The following VWA3B variants were observed in gnomAD, a reference collection of about 807,000 sequenced individuals.
VWA3B encodes the protein von Willebrand factor A domain-containing protein 3B.
A neutral mutation model predicts 158.3 loss-of-function variants in VWA3B; 138 were observed. The observed-to-expected ratio is 0.87, with a 90% CI of 0.76 to 1.00. VWA3B has a LOEUF of 1.00. VWA3B is among the 50% of genes least tolerant of loss of function. The pLI is 0.00. For missense variants in VWA3B, 1,555 were observed against 1,565.1 expected, an observed-to-expected ratio of 0.99 and a Z score of 0.11; for synonymous variants, 596 against 587.3, an observed-to-expected ratio of 1.01 and a Z score of -0.21.
At chr2:98,112,843 T>G (rs1559542252) in intron 2 of VWA3B, among the ~76,000 whole-genome samples, 1 of 152,074 alleles carries the variant, frequency 6.6e-6, no homozygotes, top group African/African-American at 2.4e-5. Context: ...TGTCAATATT[T>G]TTTTTCTCTT....
intron 3 of VWA3B, among the ~76,000 whole-genome samples, chr2:98,116,407 C>T (rs554259178): frequency 1.6e-4 from 24 of 151,714 alleles, no homozygotes; most frequent in Admixed American, 5.2e-4. Context: ...AATATGTCTT[C>T]CAGTTGTTTA....
chr2:98,228,602 C>T (rs62156681), intron 15 of VWA3B, among the ~76,000 whole-genome samples: 22,112 of 152,030 alleles, frequency 0.15, 2,222 homozygotes, highest in Non-Finnish European at 0.2. Flanking sequence ...AATGAGAGGG[C>T]GGAGAGGAGC....
At chr2:98,146,369 A>C (rs958006317) in intron 7 of VWA3B, among the ~76,000 whole-genome samples, 1 of 152,176 alleles carries the variant, frequency 6.6e-6, no homozygotes, top group Non-Finnish European at 1.5e-5. Context: ...AAAGGTAGGG[A>C]AGGGGCTAAG....
At chr2:98,191,304 C>T (rs920797824) in intron 10 of VWA3B, among the ~76,000 whole-genome samples, 2 of 152,150 alleles carry the variant, frequency 1.3e-5, no homozygotes, top group Middle Eastern at 3.2e-3. Context: ...ATTCTATCAT[C>T]TGTGTCATTT....
Position 98,125,815 on chromosome 2 carries a change from C to T in VWA3B, c.703-2424C>T, listed in dbSNP as rs895778258. Among the ~76,000 whole-genome samples the T allele has an allele frequency of 2.0e-5, 3 of 152,192 alleles. No individual in the cohort carries two copies. Among genetic ancestry groups the T allele is most frequent in the Non-Finnish European group, 4.4e-5 (3 of 68,036 alleles). The stretch of plus-strand genomic sequence containing the variant: ...AGTAGCTGGGACTACAGGCGCCTGC[C>T]ACCACATCCGGCTAATTTTTCTGTA... On this transcript the variant is annotated intron_variant, in intron 5 of 27. Transcript: ENST00000477737. The surrounding 1 kb of genome is among the most constrained non-coding windows in gnomAD (Gnocchi z 4.1).
At chr2:98,221,778 G>C (rs1223675864) in intron 14 of VWA3B, among the ~76,000 whole-genome samples, 3 of 152,104 alleles carry the variant, frequency 2.0e-5, no homozygotes, top group Admixed American at 2.0e-4. Flanking sequence ...AGCGTCCATG[G>C]TGCCCAGTGT....
intron 6 of VWA3B, among the ~76,000 whole-genome samples, chr2:98,132,968 G>A (rs1675993119): frequency 6.6e-6 from 1 of 152,218 alleles, no homozygotes; most frequent in Non-Finnish European, 1.5e-5. Flanking sequence ...TGAGTTGAGT[G>A]TGTGGTGCTA....
At chr2:98,160,961 C>T (rs191029503) in intron 7 of VWA3B, among the ~76,000 whole-genome samples, 1 of 152,254 alleles carries the variant, frequency 6.6e-6, no homozygotes, top group East Asian at 1.9e-4. Flanking sequence ...TCTGCCCTAC[C>T]CTTCTTGACT....
intron 17 of VWA3B, 38 bp from the exon 18 acceptor site, chr2:98,236,352 G>A (rs1301647248): frequency 6.2e-7 from 1 of 1,611,144 alleles, no homozygotes; most frequent in Admixed American, 1.7e-5. Flanking sequence ...AAACCCATAT[G>A]TGAGGAAAAT....
At chr2:98,208,233 T>A (rs1683183408) in intron 12 of VWA3B, among the ~76,000 whole-genome samples, 1 of 152,272 alleles carries the variant, frequency 6.6e-6, no homozygotes, top group East Asian at 1.9e-4. Context: ...TCCTTTTACC[T>A]TTAACCTATC....
At chr2:98,179,810 C>CT (rs1172621963) in intron 8 of VWA3B, among the ~76,000 whole-genome samples, 2 of 118,970 alleles carry the variant, frequency 1.7e-5, no homozygotes, top group Non-Finnish European at 3.3e-5. Context: ...TTCTTTCTTT[C>CT]TTTCTTTCTT....
chr2:98,153,360 ATTC>A (rs910420580), intron 7 of VWA3B, among the ~76,000 whole-genome samples: 4 of 152,222 alleles, frequency 2.6e-5, no homozygotes, highest in African/African-American at 9.6e-5. Flanking sequence ...TACCAGTATT[ATTC>A]TTAAGTCCAA....
intron 3 of VWA3B, among the ~76,000 whole-genome samples, chr2:98,117,392 T>G (rs549823163): frequency 6.6e-6 from 1 of 152,318 alleles, no homozygotes; most frequent in Non-Finnish European, 1.5e-5. Flanking sequence ...AGCTCAGCAT[T>G]CCTGGGCTGC....
intron 8 of VWA3B, 80 bp from the exon 9 acceptor site, chr2:98,180,936 C>T: frequency 7.2e-7 from 1 of 1,380,454 alleles, no homozygotes. Flanking sequence ...GAACACGTTC[C>T]AAGTTGGTCA....
At chr2:98,147,092 TGTG>T (rs1227855976) in intron 7 of VWA3B, among the ~76,000 whole-genome samples, 1 of 152,242 alleles carries the variant, frequency 6.6e-6, no homozygotes, top group East Asian at 1.9e-4. Flanking sequence ...GATATACAAT[TGTG>T]GTGTTTTAAA....
the VWA3B span, among the ~76,000 whole-genome samples, chr2:98,324,221 TG>T: frequency 3.9e-5 from 6 of 152,080 alleles, no homozygotes; most frequent in Admixed American, 1.3e-4. Context: ...GGAGTCCAGT[TG>T]TGCAATCTTA....
At chr2:98,292,261 T>C (rs1370953445) in intron 23 of VWA3B, among the ~76,000 whole-genome samples, 4 of 152,052 alleles carry the variant, frequency 2.6e-5, no homozygotes, top group African/African-American at 9.7e-5. Context: ...ACGTTGCAGA[T>C]ACGTAGCTGG....
At chr2:98,174,758 C>T (rs1417513517) in intron 8 of VWA3B, among the ~76,000 whole-genome samples, 2 of 152,132 alleles carry the variant, frequency 1.3e-5, no homozygotes, top group African/African-American at 4.8e-5. Context: ...CAGGAGGGCC[C>T]TAAGCTCTCA....
At chr2:98,221,362 A>G (rs1476968531) in intron 14 of VWA3B, among the ~76,000 whole-genome samples, 3 of 152,158 alleles carry the variant, frequency 2.0e-5, no homozygotes, top group African/African-American at 4.8e-5. Context: ...TAATAACAGA[A>G]AACCTTTTTG....
Sources: allele counts gnomAD v4.1 joint callset (sites outside exome capture counted in the v4.1 genomes callset), GRCh38; gene constraint gnomAD v4.1.1; non-coding constraint Gnocchi (gnomAD v3.1); transcripts MANE v1.5; gene names NCBI Gene and HGNC (gene_info 2026-07-23, HGNC 2026-07-21).